UNC13C: variants seen among roughly 807,000 people sequenced by gnomAD.
The protein encoded by UNC13C is unc-13 homolog C, also known as protein unc-13 homolog C.
UNC13C carries 174 observed loss-of-function variants against 245.4 expected under a neutral mutation model. The ratio of observed to expected loss-of-function variants is 0.71; its 90% CI spans 0.63 to 0.80. The LOEUF (loss-of-function observed/expected upper bound fraction) is 0.80. UNC13C is among the 30% of genes least tolerant of loss of function. UNC13C has a pLI of 0.00. For synonymous variants in UNC13C, 992 were observed against 895.1 expected (o/e 1.11, Z -1.93); for missense variants, 2,829 against 2,602.9 (o/e 1.09, Z -1.89).
the UNC13C span, among the ~76,000 whole-genome samples, chr15:53,885,418 G>C: frequency 6.6e-6 from 1 of 152,158 alleles, no homozygotes; most frequent in African/African-American, 2.4e-5. Context: ...TCCATACCTG[G>C]GAAGGTGAAA....
chr15:53,998,828 A>G (rs2914990), intron 1 of UNC13C, among the ~76,000 whole-genome samples: 110,356 of 151,864 alleles, frequency 0.73, 41,621 homozygotes, highest in East Asian at 0.88. Flanking sequence ...AATTTTGTTA[A>G]GTGCCTTTTT....
At position 54,012,476 on chromosome 15, in the gene UNC13C, T is replaced by C. The variant is rs574268480; in HGVS notation, c.-256-172T>C. 3.4e-4 allele frequency among the ~76,000 whole-genome samples: 52 copies of C among 152,352 alleles called. 1 individual carries two copies. The South Asian group carries it at 8.7e-3, about 25-fold the overall frequency. On this transcript the variant is annotated intron_variant, in intron 1 of 32. Coordinates refer to ENST00000260323, the MANE Select transcript of UNC13C (RefSeq NM_001080534.3). ...TATAAACATAGTTATTGGTAGTGAT[T>C]TGCTTTCAGTAGTTATTTTAAAAGT... is the stretch of plus-strand genomic sequence containing the variant.
chr15:54,118,324 T>C (rs1325013961), intron 2 of UNC13C, among the ~76,000 whole-genome samples: 1 of 152,140 alleles, frequency 6.6e-6, no homozygotes, highest in African/African-American at 2.4e-5. Flanking sequence ...TCTTCAATTT[T>C]TTTTCATCAG....
At position 54,627,182 on chromosome 15, in the gene UNC13C, G is replaced by A; in HGVS notation, c.*69G>A. The A allele has an allele frequency of 6.9e-7, 1 of 1,439,036 alleles. No homozygotes were observed. The highest frequency in any genetic ancestry group is 9.4e-7 in the Non-Finnish European group (1 of 1,066,392). The allele number at this position is 1,439,036 out of a possible 1,614,324, so 89.1% of individuals were successfully genotyped here. On this transcript the variant is annotated 3_prime_UTR_variant, in exon 33 of 33. Coordinates refer to ENST00000260323, the MANE Select transcript of UNC13C (RefSeq NM_001080534.3). ...ACTGCATGCATGTGCAAATACATGG[G>A]AATGTTTAGTTCACTACATTTCAAT...
intron 2 of UNC13C, among the ~76,000 whole-genome samples, chr15:54,109,395 G>A (rs1326660439): frequency 7.2e-6 from 1 of 138,466 alleles, no homozygotes; most frequent in Admixed American, 7.7e-5. Flanking sequence ...AGGCTAGAGT[G>A]CAGTAGTGTG....
At chr15:54,605,942 T>C (rs921474623) in intron 30 of UNC13C, among the ~76,000 whole-genome samples, 1 of 152,202 alleles carries the variant, frequency 6.6e-6, no homozygotes, top group African/African-American at 2.4e-5. Flanking sequence ...CCAAGTGTTA[T>C]ACCCTGGGCA....
chr15:54,173,738 C>T (rs2033505125), intron 4 of UNC13C, among the ~76,000 whole-genome samples: 1 of 152,014 alleles, frequency 6.6e-6, no homozygotes, highest in Admixed American at 6.6e-5. Flanking sequence ...CTAGGCTCTC[C>T]AGTAAAGTGA....
At chr15:54,040,460 AT>A (rs1162491708) in intron 2 of UNC13C, among the ~76,000 whole-genome samples, 1 of 152,156 alleles carries the variant, frequency 6.6e-6, no homozygotes, top group Non-Finnish European at 1.5e-5. Context: ...TCTTGTTAAA[AT>A]TTTAACAAGG....
chr15:54,283,448 A>G (rs1051580692), intron 10 of UNC13C, among the ~76,000 whole-genome samples: 11 of 152,136 alleles, frequency 7.2e-5, no homozygotes, highest in Non-Finnish European at 1.6e-4. Context: ...TGTAAAAGAT[A>G]TTGCTAAACC....
chr15:54,622,330 G>A lies in UNC13C; in HGVS notation c.6110G>A (p.Arg2037His), dbSNP rs746537779. 1.3e-5 allele frequency: 21 copies of A among 1,612,460 alleles called. No individual in the cohort carries two copies. Among genetic ancestry groups the A allele is most frequent in the African/African-American group, 5.3e-5 (4 of 74,826 alleles). ...KFIDTQTSQS[R>H]SSKDAVGQIS... The stretch of plus-strand genomic sequence containing the variant: ...GTAAGCCTCTGCTTATTTTCAGGTC[G>A]TTCCTCCAAAGATGCCGTGGGTCAG... The change falls in exon 31 of 33, where the codon CGT becomes CAT. Residue 2037 changes from arginine (R) to histidine (H), a missense_variant. Transcript: ENST00000260323.
intron 8 of UNC13C, among the ~76,000 whole-genome samples, chr15:54,257,435 G>A (rs571796686): frequency 7.3e-4 from 111 of 152,260 alleles, no homozygotes; most frequent in African/African-American, 2.5e-3. Context: ...GCTTGTTTTC[G>A]AACTTGTTCT....
At chr15:53,883,394 A>C in the UNC13C span, among the ~76,000 whole-genome samples, 1 of 152,218 alleles carries the variant, frequency 6.6e-6, no homozygotes, top group African/African-American at 2.4e-5. Flanking sequence ...GCTGACAAGT[A>C]GGATACATGT....
chr15:54,347,171 C>G (rs2038877555), intron 17 of UNC13C, among the ~76,000 whole-genome samples: 1 of 152,122 alleles, frequency 6.6e-6, no homozygotes, highest in South Asian at 2.1e-4. Flanking sequence ...ATAAGACTTT[C>G]TTTTTAAATG....
intron 4 of UNC13C, among the ~76,000 whole-genome samples, chr15:54,199,997 A>T (rs2034472742): frequency 6.6e-6 from 1 of 152,148 alleles, no homozygotes; most frequent in African/African-American, 2.4e-5. Context: ...AAGATATTCC[A>T]TGCAAATGGA....
intron 29 of UNC13C, among the ~76,000 whole-genome samples, chr15:54,556,729 A>G (rs1008960651): frequency 2.0e-5 from 2 of 100,230 alleles, no homozygotes; most frequent in African/African-American, 8.5e-5. Context: ...TAATAGCTTT[A>G]TAAAAGGACA....
chr15:54,042,222 G>C (rs1460579624), intron 2 of UNC13C, among the ~76,000 whole-genome samples: 1 of 152,102 alleles, frequency 6.6e-6, no homozygotes, highest in Non-Finnish European at 1.5e-5. Flanking sequence ...TGGAGCCCTA[G>C]ATCAAATAAT....
chr15:53,880,124 T>A, the UNC13C span, among the ~76,000 whole-genome samples: 1 of 152,184 alleles, frequency 6.6e-6, no homozygotes, highest in Non-Finnish European at 1.5e-5. Flanking sequence ...AAGATAATTC[T>A]GCATTATTAA....
intron 2 of UNC13C, among the ~76,000 whole-genome samples, chr15:54,095,354 C>G (rs1899800265): frequency 6.6e-6 from 1 of 152,174 alleles, no homozygotes; most frequent in African/African-American, 2.4e-5. Context: ...CATCATTACA[C>G]AGCATTCTCT....
At chr15:54,617,093 A>T (rs1900488590) in intron 30 of UNC13C, among the ~76,000 whole-genome samples, 1 of 152,108 alleles carries the variant, frequency 6.6e-6, no homozygotes, top group Non-Finnish European at 1.5e-5. Flanking sequence ...AGTACACTTG[A>T]TGATGTTCGC....
Sources: gnomAD v4.1 joint callset for allele counts (sites outside exome capture counted in the v4.1 genomes callset) on GRCh38, gnomAD v4.1.1 for gene constraint, MANE v1.5 for transcripts, NCBI Gene and HGNC (gene_info 2026-07-23, HGNC 2026-07-21) for gene names.